Variants in FAM171A1 observed in about 807,000 individuals in gnomAD.
FAM171A1 encodes family with sequence similarity 171 member A1, also known as protein FAM171A1.
In FAM171A1, 23 loss-of-function variants were observed where a neutral mutation model predicts 74.9. That is an observed-to-expected ratio of 0.31 (90% CI 0.22 to 0.44). FAM171A1 has a LOEUF of 0.44. FAM171A1 is among the 20% of genes least tolerant of loss of function. The pLI, the probability that FAM171A1 is intolerant of heterozygous loss-of-function variation, is 1.00. For missense variants in FAM171A1, 1,162 were observed against 1,159.2 expected (o/e 1.00, Z -0.03); for synonymous variants, 527 against 505.7 (o/e 1.04, Z -0.57).
At chr10:15,287,950 G>C (rs1835058004) in intron 1 of FAM171A1, among the ~76,000 whole-genome samples, 1 of 152,082 alleles carries the variant, frequency 6.6e-6, no homozygotes, top group Non-Finnish European at 1.5e-5. Flanking sequence ...CAAATCCACT[G>C]TATCATTCTT....
chr10:15,304,382 A>C (rs1208168950), intron 1 of FAM171A1, among the ~76,000 whole-genome samples: 1 of 152,160 alleles, frequency 6.6e-6, no homozygotes, highest in African/African-American at 2.4e-5. Context: ...GTCAATCCAG[A>C]GCCCACTCCC....
chr10:15,259,827 CTTTTT>C (rs111330723), intron 3 of FAM171A1, among the ~76,000 whole-genome samples: 2 of 145,596 alleles, frequency 1.4e-5, no homozygotes, highest in Non-Finnish European at 3.0e-5. Context: ...TGTTTCTTTC[CTTTTT>C]TTTTTTGAGA....
chr10:15,234,778 G>A (rs557909459), intron 5 of FAM171A1, among the ~76,000 whole-genome samples: 4 of 151,668 alleles, frequency 2.6e-5, no homozygotes, highest in South Asian at 2.1e-4. Context: ...TCTGCCTCCC[G>A]AGTAGCTGGG....
intron 1 of FAM171A1, among the ~76,000 whole-genome samples, chr10:15,361,408 G>A (rs1835992505): frequency 1.3e-5 from 2 of 152,208 alleles, no homozygotes; most frequent in Admixed American, 6.5e-5. Context: ...TCTTGCCAAG[G>A]GTAGCAACTC....
At chr10:15,233,667 G>A (rs1834240179) in intron 5 of FAM171A1, among the ~76,000 whole-genome samples, 1 of 152,112 alleles carries the variant, frequency 6.6e-6, no homozygotes, top group Admixed American at 6.5e-5. Flanking sequence ...ACTTTGGGAG[G>A]CCGAGGTGGG....
At chr10:15,365,363 T>C (rs887388024) in intron 1 of FAM171A1, among the ~76,000 whole-genome samples, 2 of 152,116 alleles carry the variant, frequency 1.3e-5, no homozygotes, top group African/African-American at 4.8e-5. Flanking sequence ...TTGCTGGACA[T>C]AAAGAGATGG....
Position 15,256,767 on chromosome 10 carries a change from C to T in FAM171A1, c.419-1888G>A, listed in dbSNP as rs141784374. Among the ~76,000 whole-genome samples, 1,130 of 152,262 alleles carry T rather than the reference C, an allele frequency of 7.4e-3. 14 individuals are homozygous for T. Among genetic ancestry groups the T allele is most frequent in the African/African-American group, 0.025 (1,043 of 41,540 alleles). On this transcript the variant is annotated intron_variant, in intron 3 of 7. Coordinates refer to ENST00000378116, the MANE Select transcript of FAM171A1 (RefSeq NM_001010924.2). Reference sequence around the variant, plus strand: ...TGGTCTGTGGAGAGTTCAAATTCCTCGGGGGTCCCACAAACGCTCTGTGTC... The same window carrying T: ...TGGTCTGTGGAGAGTTCAAATTCCTTGGGGGTCCCACAAACGCTCTGTGTC...
intron 5 of FAM171A1, among the ~76,000 whole-genome samples, chr10:15,245,686 C>T (rs1170829400): frequency 5.3e-5 from 8 of 152,222 alleles, no homozygotes; most frequent in South Asian, 2.1e-4. Flanking sequence ...CCACTGTGCC[C>T]CCCAGACTCC....
At chr10:15,227,267 T>C (rs1834121103) in intron 5 of FAM171A1, among the ~76,000 whole-genome samples, 2 of 152,138 alleles carry the variant, frequency 1.3e-5, no homozygotes, top group Non-Finnish European at 2.9e-5. Flanking sequence ...TCCCAAAGTG[T>C]AGGGATTATA....
At chr10:15,346,606 T>C (rs139702152) in intron 1 of FAM171A1, among the ~76,000 whole-genome samples, 12 of 152,302 alleles carry the variant, frequency 7.9e-5, no homozygotes, top group Admixed American at 5.2e-4. Flanking sequence ...CCGAGGTCCA[T>C]CTGGACTACA....
chr10:15,267,966 A>C (rs560060577), intron 3 of FAM171A1, among the ~76,000 whole-genome samples: 34 of 152,302 alleles, frequency 2.2e-4, no homozygotes, highest in African/African-American at 7.9e-4. Flanking sequence ...AAAGGTGGGG[A>C]CAGTGGATGT....
At chr10:15,228,885 C>T (rs1389068072) in intron 5 of FAM171A1, among the ~76,000 whole-genome samples, 2 of 152,188 alleles carry the variant, frequency 1.3e-5, no homozygotes, top group Non-Finnish European at 2.9e-5. Flanking sequence ...TGGTGCAATC[C>T]TAGAGCCACC....
rs182402938 is a variant in FAM171A1 at position 15,332,012 on chromosome 10, C to T, written c.97+38944G>A. ...TTACCCAGGCTGGAGTGCAATGGCG[C>T]GATCTTGGCTCACTGCAACCTCTGC... On this transcript the variant is annotated intron_variant, in intron 1 of 7. Coordinates refer to ENST00000378116, the MANE Select transcript of FAM171A1 (RefSeq NM_001010924.2). 1.5e-3 allele frequency among the ~76,000 whole-genome samples: 227 copies of T among 151,556 alleles called. 1 individual carries two copies. The highest frequency in any genetic ancestry group is 1.5e-3 in the Non-Finnish European group (105 of 67,876).
At position 15,275,841 on chromosome 10, in the gene FAM171A1, A is replaced by C. The variant is rs1159957233; in HGVS notation, c.418+14T>G. 6.4e-7 allele frequency: 1 copy of C among 1,555,696 alleles called. No individual in the cohort carries two copies. Among genetic ancestry groups the C allele is most frequent in the Admixed American group, 1.8e-5 (1 of 55,844 alleles). On this transcript the variant is annotated intron_variant, in intron 3 of 7. Transcript: ENST00000378116. ...AAAAATAACAATAAAAACTGAAAAAAATATTAAATATACCTTGGAATCCTG... is the reference window on the plus strand; with the variant it reads ...AAAAATAACAATAAAAACTGAAAAACATATTAAATATACCTTGGAATCCTG...
In FAM171A1 at chr10:15,215,372, A is replaced by AT. The variant is rs887829106; in HGVS notation, c.986+623dup. Among the ~76,000 whole-genome samples, 432 of 148,978 alleles carry AT rather than the reference A, an allele frequency of 2.9e-3. 1 individual carries two copies. Among genetic ancestry groups the AT allele is most frequent in the African/African-American group, 9.6e-3 (391 of 40,836 alleles). On this transcript the variant is annotated intron_variant, in intron 7 of 7. Coordinates refer to ENST00000378116, the MANE Select transcript of FAM171A1 (RefSeq NM_001010924.2). ...CAGACACGGCATCTAAATAAGAATAATTTTTTTTTTTGAGATGGAGTCTTG... is the reference window on the plus strand; with the variant it reads ...CAGACACGGCATCTAAATAAGAATAATTTTTTTTTTTTGAGATGGAGTCTTG...
intron 1 of FAM171A1, among the ~76,000 whole-genome samples, chr10:15,294,849 G>C (rs536012270): frequency 1.3e-5 from 2 of 152,168 alleles, no homozygotes; most frequent in Non-Finnish European, 2.9e-5. Context: ...GCTCCCTGTC[G>C]GTATTTGACA....
At chr10:15,360,999 T>C (rs1191320693) in intron 1 of FAM171A1, among the ~76,000 whole-genome samples, 3 of 152,124 alleles carry the variant, frequency 2.0e-5, no homozygotes, top group Non-Finnish European at 4.4e-5. Context: ...CTACAGAGGG[T>C]TATTATTTTT....
At chr10:15,326,107 T>C (rs1171966538) in intron 1 of FAM171A1, among the ~76,000 whole-genome samples, 2 of 152,348 alleles carry the variant, frequency 1.3e-5, no homozygotes, top group Non-Finnish European at 1.5e-5. Context: ...ATTTATCTGT[T>C]GGGAAAGTTT....
intron 5 of FAM171A1, among the ~76,000 whole-genome samples, chr10:15,243,234 C>T (rs997090524): frequency 2.2e-4 from 33 of 152,174 alleles, no homozygotes; most frequent in African/African-American, 8.0e-4. Context: ...CCTCACACTG[C>T]CGTCTCCTAA....
Sources: gnomAD v4.1 joint callset for allele counts (sites outside exome capture counted in the v4.1 genomes callset) on GRCh38, gnomAD v4.1.1 for gene constraint, MANE v1.5 for transcripts, NCBI Gene and HGNC (gene_info 2026-07-23, HGNC 2026-07-21) for gene names.